The following MEF2C variants were observed in gnomAD, a reference collection of about 807,000 sequenced individuals.
MEF2C encodes myocyte enhancer factor 2C.
MEF2C carries 6 observed loss-of-function variants against 50.5 expected under a neutral mutation model. The observed-to-expected ratio is 0.12, with a 90% CI of 0.07 to 0.23. The LOEUF is 0.23. Ranked by LOEUF, MEF2C falls within the 10% of genes least tolerant of loss-of-function variation. The pLI, the probability that MEF2C is intolerant of heterozygous loss-of-function variation, is 1.00. For synonymous variants in MEF2C, 183 were observed against 228.0 expected (o/e 0.80, Z 1.78); for missense variants, 276 against 605.0 (o/e 0.46, Z 5.70).
At chr5:88,837,989 T>A (rs1172044587) in intron 1 of MEF2C, among the ~76,000 whole-genome samples, 2 of 152,132 alleles carry the variant, frequency 1.3e-5, no homozygotes, top group Non-Finnish European at 2.9e-5. Context: ...GAGGACAGAG[T>A]GGTTAAGTAA....
At chr5:88,839,339 C>CTA (rs1816419285) in intron 1 of MEF2C, 2 of 136,374 alleles carry the variant, frequency 1.5e-5, no homozygotes, top group Admixed American at 7.5e-5. Flanking sequence ...CTCTCTCTCT[C>CTA]TCTCTCTCTC....
At chr5:88,778,170 A>T (rs896758123) in intron 3 of MEF2C, among the ~76,000 whole-genome samples, 3 of 151,594 alleles carry the variant, frequency 2.0e-5, no homozygotes, top group Admixed American at 2.0e-4. Context: ...AGCCTCTCAA[A>T]GTGCTGGGAT....
At chr5:88,748,735 T>C (rs963770915) in intron 6 of MEF2C, 4 of 972,514 alleles carry the variant, frequency 4.1e-6, no homozygotes, top group Non-Finnish European at 4.9e-6. Context: ...TAATGTGAAA[T>C]GATTAACAGA....
chr5:88,744,319 C>T (rs749370302), intron 6 of MEF2C, among the ~76,000 whole-genome samples: 12 of 152,156 alleles, frequency 7.9e-5, no homozygotes, highest in South Asian at 6.2e-4. Flanking sequence ...TTTGGGAGGC[C>T]GAGGTGGGCG....
At chr5:88,788,650 T>C (rs962488933) in intron 3 of MEF2C, among the ~76,000 whole-genome samples, 4 of 152,224 alleles carry the variant, frequency 2.6e-5, no homozygotes, top group African/African-American at 9.6e-5. Flanking sequence ...ATAGTGAGAC[T>C]GAAAAGCTGA....
intron 1 of MEF2C, among the ~76,000 whole-genome samples, chr5:88,836,778 G>C (rs1815264268): frequency 1.3e-5 from 2 of 152,084 alleles, no homozygotes; most frequent in African/African-American, 4.8e-5. Context: ...AAGTATTACA[G>C]TGCTTCCCCT....
intron 3 of MEF2C, among the ~76,000 whole-genome samples, chr5:88,787,820 C>G (rs906668316): frequency 6.6e-6 from 1 of 152,180 alleles, no homozygotes; most frequent in African/African-American, 2.4e-5. Context: ...TGGAAAAGTT[C>G]ACAAGGGACC....
At chr5:88,729,540 G>C (rs1760498449) in intron 8 of MEF2C, 193 bp from the exon 9 acceptor site, 1 of 569,436 alleles carries the variant, frequency 1.8e-6, no homozygotes, top group East Asian at 3.2e-5. Flanking sequence ...TGTTGCCATA[G>C]TAACCCATTA....
intron 1 of MEF2C, among the ~76,000 whole-genome samples, chr5:88,890,257 A>G (rs1834394631): frequency 6.6e-6 from 1 of 152,268 alleles, no homozygotes; most frequent in Non-Finnish European, 1.5e-5. Flanking sequence ...AAGACAAAAC[A>G]GAAAACTTCC....
At chr5:88,771,591 T>C (rs935679560) in intron 3 of MEF2C, 13 of 985,268 alleles carry the variant, frequency 1.3e-5, no homozygotes, top group African/African-American at 1.7e-5. Flanking sequence ...GCATCTCTGG[T>C]CCCTAACACA....
intron 2 of MEF2C, among the ~76,000 whole-genome samples, chr5:88,805,017 C>A (rs1002720056): frequency 1.1e-4 from 17 of 152,074 alleles, no homozygotes; most frequent in African/African-American, 4.1e-4. Context: ...ATGTGAGACT[C>A]TAAATGCAAG....
At chr5:88,835,398 TCTTTGGA>T (rs1814679783) in intron 1 of MEF2C, among the ~76,000 whole-genome samples, 1 of 152,156 alleles carries the variant, frequency 6.6e-6, no homozygotes, top group Non-Finnish European at 1.5e-5. Context: ...TATTCATGTA[TCTTTGGA>T]CATCCCCACC....
intron 8 of MEF2C, among the ~76,000 whole-genome samples, chr5:88,729,765 G>T (rs1229122342): frequency 2.0e-5 from 3 of 152,082 alleles, no homozygotes; most frequent in African/African-American, 7.2e-5. Flanking sequence ...AGGGGCTCAT[G>T]TTATATTTTG....
At chr5:88,752,125 C>T (rs1222779410) in intron 4 of MEF2C, 82 bp from the exon 5 acceptor site, 1 of 1,312,674 alleles carries the variant, frequency 7.6e-7, no homozygotes, top group Non-Finnish European at 1.0e-6. Context: ...CCTTATTTTT[C>T]CAAGAAAAAT....
At chr5:88,822,619 T>C (rs558062223) in intron 2 of MEF2C, among the ~76,000 whole-genome samples, 1 of 152,122 alleles carries the variant, frequency 6.6e-6, no homozygotes, top group Admixed American at 6.6e-5. Flanking sequence ...CTATTCATTA[T>C]AGTTTACACA....
chr5:88,751,752 G>A, intron 5 of MEF2C, 105 bp downstream of exon 5: 1 of 1,295,570 alleles, frequency 7.7e-7, no homozygotes, highest in Non-Finnish European at 1.1e-6. Context: ...ATGAAGGAGA[G>A]TAAGTGGAAA....
intron 2 of MEF2C, among the ~76,000 whole-genome samples, chr5:88,820,406 C>A (rs1035509326): frequency 6.6e-6 from 1 of 151,898 alleles, no homozygotes; most frequent in Non-Finnish European, 1.5e-5. Context: ...TTCCCTACTT[C>A]CATTATGAAA....
In MEF2C at chr5:88,722,409, T is replaced by G; in HGVS notation, c.*195A>C. On this transcript the variant is annotated 3_prime_UTR_variant, in exon 11 of 11. Coordinates refer to ENST00000504921, the MANE Select transcript of MEF2C (RefSeq NM_002397.5). ...CTGTTGTACAACTCAAGTGCTAAGC[T>G]TATCTCAGCATTTCTGTTTATCTTT... The G allele has an allele frequency of 1.8e-6, 1 of 560,160 alleles. No homozygotes were observed. Among genetic ancestry groups the G allele is most frequent in the Non-Finnish European group, 3.2e-6 (1 of 317,458 alleles). The allele number at this position is 560,160 out of a possible 1,614,324, so 34.7% of individuals were successfully genotyped here.
At chr5:88,838,732 T>C (rs534311828) in intron 1 of MEF2C, 2 of 985,204 alleles carry the variant, frequency 2.0e-6, no homozygotes, top group African/African-American at 3.5e-5. Flanking sequence ...CACTCCTCTT[T>C]TTCCTTCTCG....
Sources: gnomAD v4.1 joint callset for allele counts (sites outside exome capture counted in the v4.1 genomes callset) on GRCh38, gnomAD v4.1.1 for gene constraint, MANE v1.5 for transcripts, NCBI Gene and HGNC (gene_info 2026-07-23, HGNC 2026-07-21) for gene names.